CYFIP1: variants seen among roughly 807,000 people sequenced by gnomAD.
The protein encoded by CYFIP1 is cytoplasmic FMR1-interacting protein 1.
In CYFIP1, 58 loss-of-function variants were observed where a neutral mutation model predicts 163.5. The ratio of observed to expected loss-of-function variants is 0.35; its 90% CI spans 0.29 to 0.44. The LOEUF (loss-of-function observed/expected upper bound fraction) is 0.44. Ranked by LOEUF, CYFIP1 falls within the 20% of genes least tolerant of loss-of-function variation. The pLI, the probability that CYFIP1 is intolerant of heterozygous loss-of-function variation, is 1.00. For missense variants in CYFIP1, 1,338 were observed against 1,653.8 expected (o/e 0.81, Z 3.31); for synonymous variants, 663 against 660.7 (o/e 1.00, Z -0.05).
At chr15:22,875,034 A>G (rs1224085861) in intron 27 of CYFIP1, among the ~76,000 whole-genome samples, 165 bp downstream of exon 27, 4 of 151,970 alleles carry the variant, frequency 2.6e-5, no homozygotes, top group African/African-American at 7.3e-5. Flanking sequence ...CTATTTCTCA[A>G]TCTTCATTTA....
intron 1 of CYFIP1, among the ~76,000 whole-genome samples, chr15:22,963,184 G>A (rs1484340082): frequency 6.6e-6 from 1 of 152,104 alleles, no homozygotes; most frequent in Non-Finnish European, 1.5e-5. Context: ...TTTTTGCAAT[G>A]TTTTGTATAA....
chr15:22,967,819 T>A (rs555457219), intron 1 of CYFIP1, among the ~76,000 whole-genome samples: 2 of 152,244 alleles, frequency 1.3e-5, no homozygotes, highest in East Asian at 3.9e-4. Flanking sequence ...GAGGATCACT[T>A]GAGCCCAGGA....
intron 13 of CYFIP1, among the ~76,000 whole-genome samples, chr15:22,921,244 T>A (rs979259107): frequency 8.5e-5 from 13 of 152,090 alleles, no homozygotes; most frequent in Admixed American, 7.9e-4. Flanking sequence ...GGTGCACACC[T>A]GTAGTCCCAG....
At chr15:22,872,602 T>G (rs28663171) in intron 30 of CYFIP1, 1 of 516,442 alleles carries the variant, frequency 1.9e-6, no homozygotes, top group African/African-American at 1.9e-5. Flanking sequence ...GAAGTAAATC[T>G]AAGTACCTTG....
rs765182866 is a variant in CYFIP1 at position 22,870,031 on chromosome 15, G to T, written c.3759C>A (p.Ser1253Arg). ...QPPIHQSLAS[S>R] ...TTACGGAGTGCAGCGCGTGCCCTCAGCTGCTGGCGAGGGACTGGTGGATGG... is the reference window on the plus strand; with the variant it reads ...TTACGGAGTGCAGCGCGTGCCCTCATCTGCTGGCGAGGGACTGGTGGATGG... The change falls in exon 31 of 31, where the codon AGC becomes AGA. Residue 1253 changes from serine (S) to arginine (R), a missense_variant. Around this residue, in one of 4 missense-constraint regions of CYFIP1, gnomAD observed 306 missense variants for 322.1 expected, o/e 0.95. Coordinates refer to ENST00000617928, the MANE Select transcript of CYFIP1 (RefSeq NM_014608.6). The T allele has an allele frequency of 1.3e-6, 2 of 1,599,364 alleles. No homozygotes were observed. The highest frequency in any genetic ancestry group is 2.3e-5 in the South Asian group (2 of 88,108).
Position 22,944,954 on chromosome 15 carries a change from AG to A in CYFIP1, c.208-16del, listed in dbSNP as rs1293536291. On this transcript the variant is annotated splice_polypyrimidine_tract_variant and intron_variant, in intron 3 of 30. Transcript: ENST00000617928. ...AGCATCTCGTTCTGCAATGGAACAC[AG>A]GGCAAATCAAAGGCAGGCGGGGGAA... The A allele has an allele frequency of 1.2e-6, 2 of 1,612,312 alleles. No homozygotes were observed. Among genetic ancestry groups the A allele is most frequent in the African/African-American group, 2.7e-5 (2 of 74,900 alleles).
intron 23 of CYFIP1, among the ~76,000 whole-genome samples, chr15:22,887,035 G>A (rs193176885): frequency 1.3e-5 from 2 of 152,180 alleles, no homozygotes; most frequent in Admixed American, 1.3e-4. Flanking sequence ...TAATCTCCCT[G>A]GCAATATTCT....
chr15:22,894,738 ACT>A (rs1229185108), intron 22 of CYFIP1, among the ~76,000 whole-genome samples: 2 of 150,430 alleles, frequency 1.3e-5, no homozygotes, highest in Admixed American at 1.3e-4. Context: ...TAATGCAATT[ACT>A]CTTTATAATA....
intron 10 of CYFIP1, among the ~76,000 whole-genome samples, chr15:22,932,601 A>G (rs973770324): frequency 1.3e-5 from 2 of 152,184 alleles, no homozygotes; most frequent in Non-Finnish European, 2.9e-5. Context: ...TGTCAAAATC[A>G]TGGCTGAATG....
chr15:22,919,292 G>T (rs370805438), intron 13 of CYFIP1, among the ~76,000 whole-genome samples: 6 of 152,292 alleles, frequency 3.9e-5, no homozygotes, highest in African/African-American at 1.4e-4. Flanking sequence ...AGACTCTGAT[G>T]GAACATAATT....
Position 22,917,281 on chromosome 15 carries a change from G to T in CYFIP1, c.1674+507C>A. 3 of 1,376,468 alleles carry T rather than the reference G, an allele frequency of 2.2e-6. No individual in the cohort carries two copies. Among genetic ancestry groups the T allele is most frequent in the South Asian group, 1.9e-5 (1 of 53,806 alleles). The allele number at this position is 1,376,468 out of a possible 1,614,324, so 85.3% of individuals were successfully genotyped here. A position where few individuals can be genotyped will look rare whatever the true frequency, so the allele number is the denominator to read the frequency against. ...TGAGGGAGAAGACCAGCCCCAGGAC[G>T]GAGGACAGACGCAGCGGTGTGGATT... is the stretch of plus-strand genomic sequence containing the variant. On this transcript the variant is annotated intron_variant, in intron 15 of 30. Transcript: ENST00000617928. The surrounding 1 kb of genome is among the most constrained non-coding windows in gnomAD (Gnocchi z 4.2).
chr15:22,972,190 C>T (rs889672730), intron 1 of CYFIP1, among the ~76,000 whole-genome samples: 12 of 152,152 alleles, frequency 7.9e-5, no homozygotes, highest in African/African-American at 2.7e-4. Flanking sequence ...AATCCCAGCA[C>T]TTTGGGAGGC....
intron 1 of CYFIP1, among the ~76,000 whole-genome samples, chr15:22,966,397 T>C (rs1174414161): frequency 1.8e-5 from 2 of 114,156 alleles, no homozygotes; most frequent in Non-Finnish European, 3.7e-5. Context: ...AAAGACAAGA[T>C]TAGGACACAG....
rs1794697121 is a variant in CYFIP1, at chr15:22,867,806, A to G, written c.*2222T>C. On this transcript the variant is annotated 3_prime_UTR_variant, in exon 31 of 31. Transcript: ENST00000617928. ...CTCTTTGTACCAAGTACTTTGCTTA[A>G]GAGCTCCTTTGGGCCACTACATATT... The G allele has an allele frequency of 6.6e-6, 1 of 152,142 alleles. No homozygotes were observed. Among genetic ancestry groups the G allele is most frequent in the South Asian group, 2.1e-4 (1 of 4,824 alleles). The allele number at this position is 152,142 out of a possible 1,614,324, so 9.4% of individuals were successfully genotyped here. A position where few individuals can be genotyped will look rare whatever the true frequency, so the allele number is the denominator to read the frequency against.
In CYFIP1 at chr15:22,890,077, G is replaced by A. The variant is rs944484958; in HGVS notation, c.2676+2813C>T. Among the ~76,000 whole-genome samples the A allele has an allele frequency of 4.0e-5, 6 of 151,838 alleles. 1 individual carries two copies. Among genetic ancestry groups the A allele is most frequent in the Admixed American group, 1.3e-4 (2 of 15,250 alleles). ...AACACTTCGGGAGGCCAAGGTGGGC[G>A]GATCATTTGAGGTCAGGAGTTCAAA... is the stretch of plus-strand genomic sequence containing the variant. On this transcript the variant is annotated intron_variant, in intron 23 of 30. Transcript: ENST00000617928.
chr15:22,875,395 CT>C lies in CYFIP1; in HGVS notation c.3043-125del, dbSNP rs1360815027. ...TAAACTCTGTAAGTTTATTTTATCT[CT>C]GTCAAGAGATTTCTGGGATGATGGA... On this transcript the variant is annotated intron_variant, in intron 26 of 30. Transcript: ENST00000617928. 3 of 836,758 alleles carry C rather than the reference CT, an allele frequency of 3.6e-6. No individual in the cohort carries two copies. The African/African-American group carries it at 5.0e-5, about 14-fold the overall frequency. The allele number at this position is 836,758 out of a possible 1,614,324, so 51.8% of individuals were successfully genotyped here. A position where few individuals can be genotyped will look rare whatever the true frequency, so the allele number is the denominator to read the frequency against.
At chr15:22,944,750 G>A (rs990588192) in intron 4 of CYFIP1, 91 bp from the exon 5 acceptor site, 1 of 1,515,404 alleles carries the variant, frequency 6.6e-7, no homozygotes, top group Non-Finnish European at 9.2e-7. Context: ...CCGCCCTGCT[G>A]TGGGGTGAGA....
At chr15:22,945,108 G>T (rs148510119) in intron 3 of CYFIP1, among the ~76,000 whole-genome samples, 169 bp from the exon 4 acceptor site, 1 of 152,274 alleles carries the variant, frequency 6.6e-6, no homozygotes, top group Non-Finnish European at 1.5e-5. Flanking sequence ...GGCGCTGGGG[G>T]CCACAATGAC....
chr15:22,953,869 T>C (rs924449241), intron 1 of CYFIP1, among the ~76,000 whole-genome samples: 12 of 152,024 alleles, frequency 7.9e-5, no homozygotes, highest in African/African-American at 2.9e-4. Flanking sequence ...TCCTGGCTAA[T>C]ACAGTGAAAC....
Sources: gnomAD v4.1 joint callset for allele counts (sites outside exome capture counted in the v4.1 genomes callset) on GRCh38, gnomAD v4.1.1 for gene constraint, gnomAD v4.1.1 regional missense constraint, Gnocchi (gnomAD v3.1) non-coding constraint, MANE v1.5 for transcripts, NCBI Gene and HGNC (gene_info 2026-07-23, HGNC 2026-07-21) for gene names.